Variants in PDC observed in about 807,000 individuals in gnomAD.
PDC encodes the protein 33 kDa phototransducing protein.
A neutral mutation model predicts 22.2 loss-of-function variants in PDC; 19 were observed. The ratio of observed to expected loss-of-function variants is 0.86; its 90% CI spans 0.60 to 1.26. The LOEUF is 1.26. Ranked by LOEUF, PDC falls within the 50% of genes most tolerant of loss-of-function variation. The pLI is 0.00. For missense variants in PDC, 274 were observed against 286.8 expected (o/e 0.96, Z 0.32); for synonymous variants, 97 against 96.2 (o/e 1.01, Z -0.05).
intron 1 of PDC, among the ~76,000 whole-genome samples, chr1:186,455,457 C>T (rs1662437505): frequency 6.6e-6 from 1 of 152,198 alleles, no homozygotes; most frequent in African/African-American, 2.4e-5. Context: ...ATGCTGTCCA[C>T]TATTTCTCTA....
intron 1 of PDC, among the ~76,000 whole-genome samples, chr1:186,455,106 A>G (rs796277962): frequency 6.6e-6 from 1 of 152,214 alleles, no homozygotes; most frequent in African/African-American, 2.4e-5. Context: ...CTTAAAAAAC[A>G]GAAGTTAATT....
chr1:186,460,132 C>G (rs1558135215), intron 1 of PDC, among the ~76,000 whole-genome samples: 2 of 152,106 alleles, frequency 1.3e-5, no homozygotes, highest in Non-Finnish European at 2.9e-5. Context: ...TCAAAACATG[C>G]CTTAGCGCCG....
chr1:186,446,660 T>A, intron 2 of PDC, 83 bp from the exon 3 acceptor site: 1 of 810,754 alleles, frequency 1.2e-6, no homozygotes, highest in Non-Finnish European at 1.9e-6. Context: ...GTAAGTATTG[T>A]CATGGAATAA....
chr1:186,447,232 T>C (rs1662252374), intron 2 of PDC, among the ~76,000 whole-genome samples: 1 of 152,042 alleles, frequency 6.6e-6, no homozygotes, highest in African/African-American at 2.4e-5. Context: ...CACCGCAACC[T>C]CCACTTCCTG....
chr1:186,451,264 A>G (rs1662349754), intron 1 of PDC: 1 of 152,204 alleles, frequency 6.6e-6, no homozygotes, highest in Admixed American at 6.5e-5. Context: ...AATCAATTTC[A>G]CAATGTTTAG....
chr1:186,451,456 A>T (rs370448877), intron 1 of PDC, among the ~76,000 whole-genome samples: 3 of 152,342 alleles, frequency 2.0e-5, no homozygotes, highest in East Asian at 3.9e-4. Context: ...AGAAAACTAC[A>T]AAACAAAGAA....
chr1:186,451,727 T>C (rs978772189), intron 1 of PDC: 3 of 152,142 alleles, frequency 2.0e-5, no homozygotes, highest in Admixed American at 2.0e-4. Context: ...CCAGAAAAGG[T>C]TTTCACCAAT....
chr1:186,455,210 T>G (rs1290369253), intron 1 of PDC, among the ~76,000 whole-genome samples: 2 of 152,222 alleles, frequency 1.3e-5, no homozygotes, highest in Non-Finnish European at 2.9e-5. Flanking sequence ...GATGGCTGCC[T>G]TCTCACTGTG....
At chr1:186,455,984 A>AAAAAT (rs1662457764) in intron 1 of PDC, among the ~76,000 whole-genome samples, 3 of 89,024 alleles carry the variant, frequency 3.4e-5, no homozygotes, top group Admixed American at 1.3e-4. Flanking sequence ...AAAAAAAAAA[A>AAAAAT]AAAAAAAAAA....
At chr1:186,453,987 C>T (rs927340625) in intron 1 of PDC, among the ~76,000 whole-genome samples, 17 of 151,864 alleles carry the variant, frequency 1.1e-4, no homozygotes, top group African/African-American at 3.4e-4. Context: ...CCAAAGAAGC[C>T]GACCTAATTT....
At chr1:186,448,929 T>C (rs1014153400) in intron 2 of PDC, among the ~76,000 whole-genome samples, 2 of 152,018 alleles carry the variant, frequency 1.3e-5, no homozygotes, top group African/African-American at 4.8e-5. Flanking sequence ...CTGGATGAAA[T>C]GAAGTGTTAA....
intron 2 of PDC, among the ~76,000 whole-genome samples, chr1:186,447,617 C>T (rs920687343): frequency 2.0e-5 from 3 of 152,142 alleles, no homozygotes; most frequent in Non-Finnish European, 4.4e-5. Context: ...GCTATATCTA[C>T]ACCTTTAATG....
At chr1:186,454,701 G>T (rs1249946391) in intron 1 of PDC, among the ~76,000 whole-genome samples, 1 of 152,132 alleles carries the variant, frequency 6.6e-6, no homozygotes, top group Non-Finnish European at 1.5e-5. Context: ...CTTACATGTG[G>T]CCAAATTATG....
chr1:186,446,614 ATTTTC>A, intron 2 of PDC, 37 bp from the exon 3 acceptor site: 1 of 1,331,894 alleles, frequency 7.5e-7, no homozygotes, highest in Non-Finnish European at 1.0e-6. Flanking sequence ...TTTCCTTTTT[ATTTTC>A]AAAAGGACTG....
chr1:186,458,713 C>A (rs1662518478), intron 1 of PDC, among the ~76,000 whole-genome samples: 8 of 151,982 alleles, frequency 5.3e-5, no homozygotes, highest in Admixed American at 2.6e-4. Flanking sequence ...TTCTTATAAA[C>A]CCTTTTGACG....
rs903430374 is a variant in PDC, at chr1:186,443,948, G to A, written c.*31C>T. The A allele has an allele frequency of 2.6e-6, 4 of 1,518,362 alleles. No homozygotes were observed. The East Asian group carries it at 9.0e-5, about 34-fold the overall frequency. The allele number at this position is 1,518,362 out of a possible 1,614,324, so 94.1% of individuals were successfully genotyped here. ...CAAAACCATCATCCAATACCTAAAG[G>A]ATAAACATGAGATATTGACATAGTG... On this transcript the variant is annotated 3_prime_UTR_variant, in exon 4 of 4. Coordinates refer to ENST00000391997, the MANE Select transcript of PDC (RefSeq NM_002597.5).
At chr1:186,456,579 A>G (rs1662476862) in intron 1 of PDC, among the ~76,000 whole-genome samples, 1 of 152,190 alleles carries the variant, frequency 6.6e-6, no homozygotes, top group Non-Finnish European at 1.5e-5. Context: ...GAAAACATAG[A>G]GCATTGAAGT....
chr1:186,454,139 A>AAG (rs1483179525), intron 1 of PDC, among the ~76,000 whole-genome samples: 1 of 151,414 alleles, frequency 6.6e-6, no homozygotes, highest in Non-Finnish European at 1.5e-5. Context: ...AATGTAATAG[A>AAG]AGAGTCTGTT....
chr1:186,445,778 A>C (rs547155708), intron 3 of PDC, among the ~76,000 whole-genome samples: 41 of 152,258 alleles, frequency 2.7e-4, no homozygotes, highest in South Asian at 1.7e-3. Context: ...GGGGTGACAG[A>C]ATGAGACTCT....
Sources: allele counts gnomAD v4.1 joint callset (sites outside exome capture counted in the v4.1 genomes callset), GRCh38; gene constraint gnomAD v4.1.1; transcripts MANE v1.5; gene names NCBI Gene and HGNC (gene_info 2026-07-23, HGNC 2026-07-21).